The following COL23A1 variants were observed in gnomAD, a reference collection of about 807,000 sequenced individuals.
The protein encoded by COL23A1 is collagen type XXIII alpha 1 chain, also known as collagen alpha-1(XXIII) chain.
Under a neutral mutation model 99.3 loss-of-function variants are expected in COL23A1, and 97 were observed. That is an observed-to-expected ratio of 0.98 (90% CI 0.83 to 1.16). COL23A1 has a LOEUF of 1.16. Among genes scored for constraint, COL23A1 ranks in the 50% most tolerant of loss-of-function variants. The pLI is 0.00. For synonymous variants in COL23A1, 320 were observed against 308.2 expected (o/e 1.04, Z -0.40); for missense variants, 762 against 757.4 (o/e 1.01, Z -0.07).
intron 13 of COL23A1, 40 bp from the exon 14 acceptor site, chr5:178,256,968 G>T (rs769568834): frequency 5.0e-6 from 8 of 1,596,256 alleles, no homozygotes; most frequent in South Asian, 2.2e-5. Flanking sequence ...AGTGTGAGAC[G>T]GCACGTGGCG....
At chr5:178,320,483 T>C (rs905111840) in intron 2 of COL23A1, among the ~76,000 whole-genome samples, 1 of 152,208 alleles carries the variant, frequency 6.6e-6, no homozygotes, top group Non-Finnish European at 1.5e-5. Flanking sequence ...CCCCCACGCC[T>C]GGCCCCTCAG....
Position 178,248,200 on chromosome 5 carries a change from C to T in COL23A1, c.1204G>A (p.Glu402Lys), listed in dbSNP as rs765080034. 1.9e-6 allele frequency: 3 copies of T among 1,605,312 alleles called. No individual in the cohort carries two copies. Among genetic ancestry groups the T allele is most frequent in the South Asian group, 2.2e-5 (2 of 90,850 alleles). The change falls in exon 20 of 29, where the codon GAG becomes AAG. Residue 402 changes from glutamate (E) to lysine (K), a missense_variant. Transcript: ENST00000390654. ...CCCCCATACCCCCTTACCAGGCTCT[C>T]CTGTAGGCTGTCAGACGCCGACTCC... ...KGESASDSLQESLAQLIVEPG... is the reference protein window; with the variant it reads ...KGESASDSLQKSLAQLIVEPG...
At chr5:178,299,144 G>A (rs532936433) in intron 3 of COL23A1, among the ~76,000 whole-genome samples, 9 of 152,266 alleles carry the variant, frequency 5.9e-5, no homozygotes, top group African/African-American at 2.2e-4. Flanking sequence ...TCTAGTTTTG[G>A]TATCAGAGAT....
chr5:178,254,294 G>A (rs1226738356), intron 16 of COL23A1, among the ~76,000 whole-genome samples: 7 of 152,216 alleles, frequency 4.6e-5, no homozygotes, highest in East Asian at 3.9e-4. Flanking sequence ...GCCACGCCAC[G>A]CCACACCATG....
intron 2 of COL23A1, among the ~76,000 whole-genome samples, chr5:178,375,937 C>A (rs1313395209): frequency 6.6e-6 from 1 of 152,178 alleles, no homozygotes; most frequent in African/African-American, 2.4e-5. Flanking sequence ...GAACTACTGA[C>A]CTCAAGTGAT....
intron 2 of COL23A1, among the ~76,000 whole-genome samples, chr5:178,483,835 AG>A (rs1562012238): frequency 1.3e-5 from 2 of 152,260 alleles, no homozygotes; most frequent in South Asian, 2.1e-4. Flanking sequence ...TGCTGTCAGC[AG>A]GAAGTGCACA....
At chr5:178,442,655 C>G (rs58351669) in intron 2 of COL23A1, among the ~76,000 whole-genome samples, 4,192 of 152,228 alleles carry the variant, frequency 0.028, 195 homozygotes, top group African/African-American at 0.094. Context: ...TTTAAAGCAG[C>G]AGAAGCTGCT....
chr5:178,300,518 T>C (rs2127596393), intron 3 of COL23A1, among the ~76,000 whole-genome samples: 1 of 152,254 alleles, frequency 6.6e-6, no homozygotes, highest in Non-Finnish European at 1.5e-5. Flanking sequence ...ATCCCTTTTC[T>C]GTGATATGCT....
At chr5:178,518,483 G>A (rs1445564914) in intron 2 of COL23A1, among the ~76,000 whole-genome samples, 9 of 147,040 alleles carry the variant, frequency 6.1e-5, no homozygotes, top group East Asian at 2.1e-4. Context: ...CCGGGCAGAG[G>A]CGCCCCTCAC....
chr5:178,359,270 T>A (rs1177449296), intron 2 of COL23A1, among the ~76,000 whole-genome samples: 2 of 152,234 alleles, frequency 1.3e-5, no homozygotes, highest in African/African-American at 4.8e-5. Flanking sequence ...ACGCCTGTAA[T>A]CCCAGCACTT....
chr5:178,521,314 G>A (rs1459049465), intron 2 of COL23A1, among the ~76,000 whole-genome samples: 2 of 152,172 alleles, frequency 1.3e-5, no homozygotes, highest in Admixed American at 6.6e-5. Flanking sequence ...AGCACTTTGG[G>A]AGGCCAAGGC....
Position 178,252,526 on chromosome 5 carries a change from A to AGCT in COL23A1, c.1014+15_1014+17dup. ...GAGACAAATGCTTGGGGGACCACATAGCTGCATCTGCACTGACCTTGGCTC... is the reference window on the plus strand; with the variant it reads ...GAGACAAATGCTTGGGGGACCACATAGCTGCTGCATCTGCACTGACCTTGGCTC... On this transcript the variant is annotated intron_variant, in intron 17 of 28. Transcript: ENST00000390654. 6.2e-7 allele frequency: 1 copy of AGCT among 1,607,454 alleles called. No homozygotes were observed. The highest frequency in any genetic ancestry group is 8.5e-7 in the Non-Finnish European group (1 of 1,176,664).
intron 2 of COL23A1, among the ~76,000 whole-genome samples, chr5:178,532,525 A>G (rs1760704839): frequency 6.6e-6 from 1 of 152,198 alleles, no homozygotes; most frequent in South Asian, 2.1e-4. Context: ...CTCGAGTCAA[A>G]CAGAAACCCC....
intron 2 of COL23A1, among the ~76,000 whole-genome samples, chr5:178,534,445 G>A (rs1418195375): frequency 1.3e-5 from 2 of 152,262 alleles, no homozygotes; most frequent in South Asian, 2.1e-4. Context: ...GTAAGGGAGG[G>A]GGCACTGGGC....
rs565446631 is a variant in COL23A1, at chr5:178,296,671, C to T, written c.407-6302G>A. ...TCACCCGGCTGGTGAGGCGGTAGTC[C>T]AGCCAGAGGCAGTCCCGTAGGACCC... On this transcript the variant is annotated intron_variant, in intron 3 of 28. Transcript: ENST00000390654. Among the ~76,000 whole-genome samples, 3 of 152,168 alleles carry T rather than the reference C, an allele frequency of 2.0e-5. No individual in the cohort carries two copies. In the South Asian group the frequency reaches 6.2e-4, roughly 32 times the overall value.
intron 2 of COL23A1, among the ~76,000 whole-genome samples, chr5:178,343,670 T>A (rs1448050239): frequency 1.5e-4 from 23 of 150,672 alleles, no homozygotes; most frequent in African/African-American, 5.6e-4. Context: ...TATATTTTTT[T>A]TTTTTTTTGG....
intron 2 of COL23A1, among the ~76,000 whole-genome samples, chr5:178,376,986 G>C (rs772090770): frequency 1.7e-4 from 26 of 152,110 alleles, no homozygotes; most frequent in Non-Finnish European, 3.2e-4. Flanking sequence ...GGCACACCAG[G>C]AACCACAGAA....
chr5:178,540,842 G>A (rs1419969143), intron 2 of COL23A1, among the ~76,000 whole-genome samples: 2 of 152,180 alleles, frequency 1.3e-5, no homozygotes, highest in Non-Finnish European at 2.9e-5. Flanking sequence ...TGGGAGGATC[G>A]CCTGAGCTTG....
At chr5:178,330,109 G>T (rs1216362971) in intron 2 of COL23A1, among the ~76,000 whole-genome samples, 1 of 152,154 alleles carries the variant, frequency 6.6e-6, no homozygotes, top group East Asian at 1.9e-4. Context: ...ATTCAGGGGG[G>T]AGAGATGCTC....
Sources: gnomAD v4.1 joint callset for allele counts (sites outside exome capture counted in the v4.1 genomes callset) on GRCh38, gnomAD v4.1.1 for gene constraint, MANE v1.5 for transcripts, NCBI Gene and HGNC (gene_info 2026-07-23, HGNC 2026-07-21) for gene names.